Variants in RIC1 observed in about 807,000 individuals in gnomAD.
RIC1 encodes the protein RIC1 partner of RAB6A GEF complex, also known as guanine nucleotide exchange factor subunit RIC1.
In RIC1, 88 loss-of-function variants were observed where a neutral mutation model predicts 169.0. The observed-to-expected ratio is 0.52, with a 90% CI of 0.44 to 0.62. The LOEUF (loss-of-function observed/expected upper bound fraction) is 0.62. Among genes scored for constraint, RIC1 ranks in the 20% least tolerant of loss-of-function variants. The probability of loss-of-function intolerance (pLI) is 0.00; values close to 1 mark genes in which losing one functional copy is unlikely to be tolerated. For synonymous variants in RIC1, 790 were observed against 601.5 expected (o/e 1.31, Z -4.59); for missense variants, 1,877 against 1,725.5 (o/e 1.09, Z -1.56).
At chr9:5,685,100 C>G (rs879891995) in intron 2 of RIC1, among the ~76,000 whole-genome samples, 1 of 151,652 alleles carries the variant, frequency 6.6e-6, no homozygotes, top group Non-Finnish European at 1.5e-5. Flanking sequence ...AGGAGAACTA[C>G]AAACCACTGC....
At chr9:5,698,985 C>T (rs1007423154) in intron 3 of RIC1, among the ~76,000 whole-genome samples, 1 of 152,188 alleles carries the variant, frequency 6.6e-6, no homozygotes, top group African/African-American at 2.4e-5. Flanking sequence ...AAAAGCAAGT[C>T]TCAGATTGAG....
At chr9:5,671,280 T>A (rs965791045) in intron 2 of RIC1, among the ~76,000 whole-genome samples, 13 of 150,730 alleles carry the variant, frequency 8.6e-5, no homozygotes, top group East Asian at 5.8e-4. Flanking sequence ...TATTATTTTT[T>A]TTTTTTTGAG....
chr9:5,720,096 A>C, intron 4 of RIC1, 86 bp from the exon 5 acceptor site: 1 of 980,562 alleles, frequency 1.0e-6, no homozygotes, highest in Non-Finnish European at 1.5e-6. Context: ...TCATTTTTGC[A>C]TGAGTATTCT....
At chr9:5,685,493 T>G (rs980507861) in intron 2 of RIC1, among the ~76,000 whole-genome samples, 3 of 149,224 alleles carry the variant, frequency 2.0e-5, no homozygotes, top group Non-Finnish European at 3.0e-5. Context: ...CTATCTGATC[T>G]TTGACAAACC....
intron 3 of RIC1, among the ~76,000 whole-genome samples, chr9:5,703,520 C>G (rs114197699): frequency 6.6e-6 from 1 of 152,176 alleles, no homozygotes; most frequent in African/African-American, 2.4e-5. Flanking sequence ...ACATTTGTTT[C>G]TTGTCTGTGT....
chr9:5,700,488 C>G (rs1310574174), intron 3 of RIC1, among the ~76,000 whole-genome samples: 2 of 151,960 alleles, frequency 1.3e-5, no homozygotes, highest in African/African-American at 2.4e-5. Flanking sequence ...ATCTACAAAT[C>G]TTAAAAATCT....
At position 5,772,596 on chromosome 9, in the gene RIC1, T is replaced by C. The variant is rs1827295477; in HGVS notation, c.3649T>C (p.Leu1217=). 3.1e-6 allele frequency: 5 copies of C among 1,613,526 alleles called. No individual in the cohort carries two copies. The East Asian group carries it at 1.1e-4, about 36-fold the overall frequency. ...DECSIGSATD[L]TESSSMVDGD... ...ATGCAGTATTGGTTCAGCCACAGACTTGACTGAAAGTAGCTCCATGGTGGA... is the reference window on the plus strand; with the variant it reads ...ATGCAGTATTGGTTCAGCCACAGACCTGACTGAAAGTAGCTCCATGGTGGA... Residue 1217 remains leucine (L), a synonymous_variant, in exon 24 of 26, where the codon TTG becomes CTG. Coordinates refer to ENST00000414202, the MANE Select transcript of RIC1 (RefSeq NM_020829.4).
chr9:5,636,156 T>A lies in RIC1; in HGVS notation c.144+6703T>A, dbSNP rs1447950877. Among the ~76,000 whole-genome samples, 4 of 152,206 alleles carry A rather than the reference T, an allele frequency of 2.6e-5. No individual in the cohort carries two copies. The South Asian group carries it at 8.3e-4, about 32-fold the overall frequency. ...AGATTGGTTTGGATAGTAGGGACAT[T>A]TTAACAATATTAATTCTTCCAATCC... is the stretch of plus-strand genomic sequence containing the variant. On this transcript the variant is annotated intron_variant, in intron 1 of 25. Transcript: ENST00000414202.
intron 2 of RIC1, among the ~76,000 whole-genome samples, chr9:5,662,612 T>A (rs1298002718): frequency 6.6e-6 from 1 of 152,220 alleles, no homozygotes; most frequent in Non-Finnish European, 1.5e-5. Flanking sequence ...CTAGATTTTC[T>A]ATTTAATGTG....
intron 1 of RIC1, 101 bp downstream of exon 1, chr9:5,629,554 G>T (rs760410081): frequency 7.1e-5 from 90 of 1,261,370 alleles, no homozygotes; most frequent in Non-Finnish European, 9.2e-5. Flanking sequence ...CTGCCCCTTC[G>T]TGCCAGACCC....
chr9:5,717,830 CTG>C (rs1823347780), intron 4 of RIC1, among the ~76,000 whole-genome samples: 1 of 148,188 alleles, frequency 6.7e-6, no homozygotes. Context: ...GAGTAAGAGA[CTG>C]TTTAAAAATA....
Position 5,629,306 on chromosome 9 carries a change from G to T in RIC1, c.-4G>T, listed in dbSNP as rs1817600105. The stretch of plus-strand genomic sequence containing the variant: ...CTGGGGGCGCCGGGGGCTCCGCACG[G>T]ACCATGTATTTTCTGAGCGGCTGGC... On this transcript the variant is annotated 5_prime_UTR_variant, in exon 1 of 26. Transcript: ENST00000414202. 1 of 1,519,002 alleles carries T rather than the reference G, an allele frequency of 6.6e-7. No homozygotes were observed. Among genetic ancestry groups the T allele is most frequent in the Non-Finnish European group, 8.8e-7 (1 of 1,140,024 alleles). 94.1% of individuals were successfully genotyped at this position (1,519,002 alleles called of 1,614,324 possible). A position where few individuals can be genotyped will look rare whatever the true frequency, so the allele number is the denominator to read the frequency against.
chr9:5,747,919 T>A (rs892210900), intron 12 of RIC1, among the ~76,000 whole-genome samples: 1 of 152,168 alleles, frequency 6.6e-6, no homozygotes, highest in Non-Finnish European at 1.5e-5. Flanking sequence ...AGGGGCCACG[T>A]TGAGGTTAAT....
At chr9:5,764,397 C>A (rs1328470167) in intron 19 of RIC1, among the ~76,000 whole-genome samples, 1 of 152,170 alleles carries the variant, frequency 6.6e-6, no homozygotes, top group African/African-American at 2.4e-5. Context: ...CAGCAAAGAC[C>A]CTCATAGCAC....
At chr9:5,669,558 T>C (rs1008404582) in intron 2 of RIC1, among the ~76,000 whole-genome samples, 2 of 152,242 alleles carry the variant, frequency 1.3e-5, no homozygotes, top group Non-Finnish European at 2.9e-5. Flanking sequence ...GATTGTCATC[T>C]TGCCCATATG....
intron 2 of RIC1, among the ~76,000 whole-genome samples, chr9:5,670,466 G>A (rs1586915148): frequency 6.6e-6 from 1 of 152,050 alleles, no homozygotes; most frequent in South Asian, 2.1e-4. Flanking sequence ...AATTTTTTAT[G>A]TTTTCTGCCT....
At chr9:5,748,161 G>T (rs555948907) in intron 12 of RIC1, among the ~76,000 whole-genome samples, 3 of 152,202 alleles carry the variant, frequency 2.0e-5, no homozygotes, top group African/African-American at 7.2e-5. Context: ...TTTCTTAAAA[G>T]AAACTTGCAT....
intron 4 of RIC1, among the ~76,000 whole-genome samples, chr9:5,718,737 A>T (rs1341677205): frequency 2.0e-5 from 3 of 152,250 alleles, no homozygotes; most frequent in Non-Finnish European, 4.4e-5. Flanking sequence ...ATTAATATAT[A>T]ATGCTTTAAA....
At chr9:5,745,629 A>G (rs1825331325) in intron 10 of RIC1, among the ~76,000 whole-genome samples, 4 of 152,274 alleles carry the variant, frequency 2.6e-5, no homozygotes, top group Non-Finnish European at 5.9e-5. Flanking sequence ...AATTAAAGCA[A>G]TAGAGAAGTT....
Sources: gnomAD v4.1 joint callset for allele counts (sites outside exome capture counted in the v4.1 genomes callset) on GRCh38, gnomAD v4.1.1 for gene constraint, MANE v1.5 for transcripts, NCBI Gene and HGNC (gene_info 2026-07-23, HGNC 2026-07-21) for gene names.